The following FAM168A variants were observed in gnomAD, a reference collection of about 807,000 sequenced individuals.
FAM168A encodes protein FAM168A.
In FAM168A, 3 loss-of-function variants were observed where a neutral mutation model predicts 28.5. The ratio of observed to expected loss-of-function variants is 0.11; its 90% CI spans 0.05 to 0.27. FAM168A has a LOEUF of 0.27. Ranked by LOEUF, FAM168A falls within the 10% of genes least tolerant of loss-of-function variation. The pLI is 1.00. For missense variants in FAM168A, 222 were observed against 311.5 expected, an observed-to-expected ratio of 0.71 and a Z score of 2.16; for synonymous variants, 122 against 124.2, an observed-to-expected ratio of 0.98 and a Z score of 0.12.
At chr11:73,546,256 G>A (rs776790543) in intron 1 of FAM168A, among the ~76,000 whole-genome samples, 3 of 152,178 alleles carry the variant, frequency 2.0e-5, no homozygotes, top group Non-Finnish European at 4.4e-5. Context: ...TGAAAAGAAG[G>A]GGCTAAGTCT....
Position 73,501,753 on chromosome 11 carries a change from G to A in FAM168A, c.-18-33261C>T, listed in dbSNP as rs561425452. Reference sequence around the variant, plus strand: ...CAGAAAGCTAGAAAGATCTCAAATCGACACCCTAACATCACAATTAAAAGA... The same window carrying A: ...CAGAAAGCTAGAAAGATCTCAAATCAACACCCTAACATCACAATTAAAAGA... On this transcript the variant is annotated intron_variant, in intron 1 of 7. Coordinates refer to ENST00000356467, the MANE Select transcript of FAM168A (RefSeq NM_015159.3). Among the ~76,000 whole-genome samples, 7 of 152,190 alleles carry A rather than the reference G, an allele frequency of 4.6e-5. No individual in the cohort carries two copies. The East Asian group carries it at 5.8e-4, about 13-fold the overall frequency.
At chr11:73,592,056 G>T (rs944699763) in intron 1 of FAM168A, among the ~76,000 whole-genome samples, 1 of 152,168 alleles carries the variant, frequency 6.6e-6, no homozygotes, top group African/African-American at 2.4e-5. Flanking sequence ...AGCAGAAATC[G>T]TCAAGCTTGA....
chr11:73,468,315 T>C (rs1867766661), intron 2 of FAM168A, 90 bp downstream of exon 2: 2 of 1,221,712 alleles, frequency 1.6e-6, no homozygotes, highest in African/African-American at 3.0e-5. Flanking sequence ...CCAAGACTTT[T>C]GGAGGTATAC....
intron 1 of FAM168A, among the ~76,000 whole-genome samples, chr11:73,574,084 C>T (rs779489189): frequency 2.6e-4 from 40 of 151,934 alleles, no homozygotes; most frequent in Non-Finnish European, 4.1e-4. Context: ...GAGCCCACCA[C>T]TGTACTCCAG....
At chr11:73,535,142 A>G (rs1460747143) in intron 1 of FAM168A, among the ~76,000 whole-genome samples, 2 of 151,888 alleles carry the variant, frequency 1.3e-5, no homozygotes, top group Non-Finnish European at 2.9e-5. Flanking sequence ...AGTAAGCCCA[A>G]CTCATGTATT....
At chr11:73,561,094 C>A (rs531602395) in intron 1 of FAM168A, among the ~76,000 whole-genome samples, 2 of 146,796 alleles carry the variant, frequency 1.4e-5, no homozygotes. Context: ...AAAGACCGGG[C>A]GCGGTGGCGG....
At chr11:73,549,418 A>C (rs7123985) in intron 1 of FAM168A, among the ~76,000 whole-genome samples, 32,704 of 152,144 alleles carry the variant, frequency 0.21, 5,937 homozygotes, top group African/African-American at 0.5. Context: ...AAATTCAGTT[A>C]TTCAGTCTCA....
chr11:73,583,776 G>A (rs1025296274), intron 1 of FAM168A, among the ~76,000 whole-genome samples: 20 of 152,194 alleles, frequency 1.3e-4, no homozygotes, highest in African/African-American at 4.3e-4. Flanking sequence ...CAGGAGTACT[G>A]GAGGTAAAAC....
intron 1 of FAM168A, among the ~76,000 whole-genome samples, chr11:73,512,651 G>A (rs1196152302): frequency 1.3e-5 from 2 of 151,196 alleles, no homozygotes; most frequent in African/African-American, 2.4e-5. Context: ...GCTAGGAATT[G>A]GCAGACCCAG....
chr11:73,543,961 CCT>C (rs1769107877), intron 1 of FAM168A, among the ~76,000 whole-genome samples: 1 of 151,972 alleles, frequency 6.6e-6, no homozygotes, highest in African/African-American at 2.4e-5. Context: ...CAAGACTCTA[CCT>C]CTACAAAAAA....
At chr11:73,586,795 C>T (rs1944317959) in intron 1 of FAM168A, among the ~76,000 whole-genome samples, 1 of 152,178 alleles carries the variant, frequency 6.6e-6, no homozygotes, top group South Asian at 2.1e-4. Flanking sequence ...TTAAAAACCA[C>T]TCTTATGCAT....
At chr11:73,510,234 C>T (rs1383111650) in intron 1 of FAM168A, among the ~76,000 whole-genome samples, 1 of 152,102 alleles carries the variant, frequency 6.6e-6, no homozygotes, top group African/African-American at 2.4e-5. Flanking sequence ...GCAACACATC[C>T]CCATTATGCA....
chr11:73,513,889 A>G (rs1855277307), intron 1 of FAM168A, among the ~76,000 whole-genome samples: 1 of 152,112 alleles, frequency 6.6e-6, no homozygotes, highest in African/African-American at 2.4e-5. Context: ...CTCATCTTTA[A>G]AATGGAGGTA....
chr11:73,522,218 T>TG (rs1943390242), intron 1 of FAM168A, among the ~76,000 whole-genome samples: 1 of 125,554 alleles, frequency 8.0e-6, no homozygotes, highest in Non-Finnish European at 1.7e-5. Context: ...AAAAAAAAAA[T>TG]GGACATGGCT....
chr11:73,502,759 C>T (rs1465961108), intron 1 of FAM168A, among the ~76,000 whole-genome samples: 3 of 152,162 alleles, frequency 2.0e-5, no homozygotes. Flanking sequence ...CAATAAAATA[C>T]TGGCAAACTG....
chr11:73,452,587 C>T (rs918430715), intron 2 of FAM168A, among the ~76,000 whole-genome samples: 4 of 152,024 alleles, frequency 2.6e-5, no homozygotes, highest in Non-Finnish European at 5.9e-5. Context: ...GAGAAGGAGG[C>T]CTGTTCTCCA....
At chr11:73,464,712 G>A (rs1290309832) in intron 2 of FAM168A, among the ~76,000 whole-genome samples, 1 of 152,166 alleles carries the variant, frequency 6.6e-6, no homozygotes. Context: ...CCTATAAAAT[G>A]ATGGATTCAT....
intron 3 of FAM168A, among the ~76,000 whole-genome samples, chr11:73,422,766 A>C (rs1204662821): frequency 6.6e-6 from 1 of 150,736 alleles, no homozygotes; most frequent in Non-Finnish European, 1.5e-5. Context: ...TTTGCCGTCT[A>C]TATGTTATCC....
At chr11:73,492,429 T>C (rs1868141241) in intron 1 of FAM168A, among the ~76,000 whole-genome samples, 1 of 152,150 alleles carries the variant, frequency 6.6e-6, no homozygotes, top group African/African-American at 2.4e-5. Context: ...GTGGATCCCT[T>C]GAATCCAGGA....
Sources: gnomAD v4.1 joint callset for allele counts (sites outside exome capture counted in the v4.1 genomes callset) on GRCh38, gnomAD v4.1.1 for gene constraint, MANE v1.5 for transcripts, NCBI Gene and HGNC (gene_info 2026-07-23, HGNC 2026-07-21) for gene names.